The following USP15 variants were observed in gnomAD, a reference collection of about 807,000 sequenced individuals.
The protein encoded by USP15 is ubiquitin specific peptidase 15.
USP15 carries 18 observed loss-of-function variants against 127.1 expected under a neutral mutation model. The ratio of observed to expected loss-of-function variants is 0.14; its 90% CI spans 0.10 to 0.21. USP15 has a LOEUF of 0.21. USP15 is among the 10% of genes least tolerant of loss of function. The pLI, the probability that USP15 is intolerant of heterozygous loss-of-function variation, is 1.00. For missense variants in USP15, 805 were observed against 1,159.9 expected, an observed-to-expected ratio of 0.69 and a Z score of 4.44; for synonymous variants, 364 against 393.7, an observed-to-expected ratio of 0.92 and a Z score of 0.89.
At chr12:62,361,342 G>A (rs2066308975) in intron 8 of USP15, among the ~76,000 whole-genome samples, 1 of 151,938 alleles carries the variant, frequency 6.6e-6, no homozygotes, top group South Asian at 2.1e-4. Context: ...TAAGATTAGT[G>A]CCTCTTTCTG....
intron 1 of USP15, among the ~76,000 whole-genome samples, chr12:62,262,169 C>T (rs1387134504): frequency 2.0e-5 from 3 of 151,816 alleles, no homozygotes; most frequent in Non-Finnish European, 2.9e-5. Context: ...GCCTAGGAAG[C>T]GGAGGTTGCA....
intron 1 of USP15, among the ~76,000 whole-genome samples, chr12:62,268,539 T>C (rs1290996155): frequency 1.3e-5 from 2 of 152,174 alleles, no homozygotes; most frequent in African/African-American, 4.8e-5. Flanking sequence ...ATACAGATAG[T>C]GTCTCCCATT....
intron 1 of USP15, among the ~76,000 whole-genome samples, chr12:62,268,738 A>G (rs980128827): frequency 1.8e-4 from 27 of 152,142 alleles, no homozygotes; most frequent in Admixed American, 6.5e-5. Context: ...ATATGTATAT[A>G]TAAAACAGCT....
Position 62,330,585 on chromosome 12 carries a change from C to CAA in USP15, c.683+4668_683+4669dup, listed in dbSNP as rs559515896. Among the ~76,000 whole-genome samples, 103 of 95,438 alleles carry CAA rather than the reference C, an allele frequency of 1.1e-3. 1 individual carries two copies. The South Asian group carries it at 0.021, about 19-fold the overall frequency. 62.6% of individuals were successfully genotyped at this position (95,438 alleles called of 152,430 possible). A position where few individuals can be genotyped will look rare whatever the true frequency, so the allele number is the denominator to read the frequency against. On this transcript the variant is annotated intron_variant, in intron 6 of 21. Transcript: ENST00000280377. ...TGGGTGATAGAGTGAGACTCCATCT[C>CAA]AAAAAAAAAAAAAAAAATAGAATGC... is the stretch of plus-strand genomic sequence containing the variant.
At chr12:62,392,976 C>A in intron 18 of USP15, 77 bp from the exon 19 acceptor site, 1 of 1,526,086 alleles carries the variant, frequency 6.6e-7, no homozygotes, top group South Asian at 1.2e-5. Context: ...ACTTTCCAAA[C>A]ATTTTTGTTT....
At chr12:62,262,859 G>A (rs2063106601) in intron 1 of USP15, among the ~76,000 whole-genome samples, 1 of 152,070 alleles carries the variant, frequency 6.6e-6, no homozygotes, top group African/African-American at 2.4e-5. Flanking sequence ...AGTAAACTGA[G>A]GGCCACATAT....
At chr12:62,357,827 T>C (rs1179702245) in intron 8 of USP15, among the ~76,000 whole-genome samples, 1 of 152,102 alleles carries the variant, frequency 6.6e-6, no homozygotes, top group Admixed American at 6.6e-5. Flanking sequence ...GAAAATTGAC[T>C]GTAAGAGGGA....
intron 21 of USP15, 81 bp downstream of exon 21, chr12:62,401,356 G>A: frequency 9.4e-7 from 1 of 1,064,596 alleles, no homozygotes; most frequent in Non-Finnish European, 1.4e-6. Flanking sequence ...AGGGGCTCAT[G>A]GAACACTGTA....
At chr12:62,289,830 A>G (rs750310256) in intron 1 of USP15, among the ~76,000 whole-genome samples, 19 of 151,652 alleles carry the variant, frequency 1.3e-4, no homozygotes, top group Non-Finnish European at 2.2e-4. Flanking sequence ...TCATTTAAAC[A>G]TTTTTTAAAA....
chr12:62,394,815 C>T (rs948891238), intron 19 of USP15, among the ~76,000 whole-genome samples: 9 of 151,442 alleles, frequency 5.9e-5, no homozygotes, highest in African/African-American at 1.9e-4. Context: ...CGCCACTGCA[C>T]TCCAGGCTGC....
At chr12:62,367,380 C>G (rs141080647) in intron 8 of USP15, among the ~76,000 whole-genome samples, 1 of 152,002 alleles carries the variant, frequency 6.6e-6, no homozygotes, top group African/African-American at 2.4e-5. Flanking sequence ...TCCAGGCGCC[C>G]GCCACCACAC....
At chr12:62,335,959 G>A (rs1270933921) in intron 6 of USP15, 1 of 985,226 alleles carries the variant, frequency 1.0e-6, no homozygotes, top group Non-Finnish European at 1.2e-6. Flanking sequence ...TTCCTCTTTA[G>A]GGTTGCCACA....
intron 6 of USP15, among the ~76,000 whole-genome samples, chr12:62,340,344 G>A (rs139010531): frequency 7.3e-4 from 111 of 151,502 alleles, no homozygotes; most frequent in East Asian, 5.4e-3. Context: ...TCCTGGATTC[G>A]TTTATTTTTA....
rs894890852 is a variant in USP15 at position 62,306,979 on chromosome 12, T to G, written c.348+4059T>G. Among the ~76,000 whole-genome samples, 6 of 152,256 alleles carry G rather than the reference T, an allele frequency of 3.9e-5. No individual in the cohort carries two copies. In the South Asian group the frequency reaches 1.2e-3, roughly 32 times the overall value. ...TAAGGGTGTCTTCTCAATATGTGGC[T>G]TCTAAGAACAGGAGGGCTTCAAGAA... On this transcript the variant is annotated intron_variant, in intron 3 of 21. Coordinates refer to ENST00000280377, the MANE Select transcript of USP15 (RefSeq NM_001252078.2).
At chr12:62,384,955 T>C (rs2067102034) in intron 11 of USP15, among the ~76,000 whole-genome samples, 2 of 151,932 alleles carry the variant, frequency 1.3e-5, no homozygotes, top group African/African-American at 2.4e-5. Context: ...TTTTCTCCCT[T>C]ATTTATTAAT....
chr12:62,317,481 G>C (rs1346457919), intron 4 of USP15, among the ~76,000 whole-genome samples: 1 of 152,110 alleles, frequency 6.6e-6, no homozygotes, highest in African/African-American at 2.4e-5. Flanking sequence ...TACACAATCT[G>C]TGTATGCTAA....
At chr12:62,277,265 C>G (rs527264492) in intron 1 of USP15, among the ~76,000 whole-genome samples, 1 of 152,192 alleles carries the variant, frequency 6.6e-6, no homozygotes, top group East Asian at 1.9e-4. Context: ...TTATATATTT[C>G]CTAACCATTC....
chr12:62,298,977 A>G (rs910182365), intron 2 of USP15, among the ~76,000 whole-genome samples: 2 of 152,098 alleles, frequency 1.3e-5, no homozygotes, highest in Non-Finnish European at 2.9e-5. Context: ...ATTTTGTAAA[A>G]CATTCCTTGT....
rs117277971 is a variant in USP15, at chr12:62,343,856, C to T, written c.684-5365C>T. On this transcript the variant is annotated intron_variant, in intron 6 of 21. Transcript: ENST00000280377. Reference sequence around the variant, plus strand: ...CTATTTGGCCATCTTGGCCCCTCCCCGAAACTGCCATTTTTAAAACCATCA... The same window carrying T: ...CTATTTGGCCATCTTGGCCCCTCCCTGAAACTGCCATTTTTAAAACCATCA... Among the ~76,000 whole-genome samples the T allele has an allele frequency of 2.6e-3, 390 of 152,188 alleles. 4 individuals are homozygous for T. The highest frequency in any genetic ancestry group is 6.1e-3 in the African/African-American group (255 of 41,518).
Sources: allele counts gnomAD v4.1 joint callset (sites outside exome capture counted in the v4.1 genomes callset), GRCh38; gene constraint gnomAD v4.1.1; transcripts MANE v1.5; gene names NCBI Gene and HGNC (gene_info 2026-07-23, HGNC 2026-07-21).